Variants in STXBP5 observed in about 807,000 individuals in gnomAD.
STXBP5 encodes the protein syntaxin binding protein 5.
Under a neutral mutation model 152.4 loss-of-function variants are expected in STXBP5, and 50 were observed. The ratio of observed to expected loss-of-function variants is 0.33; its 90% CI spans 0.26 to 0.42. STXBP5 has a LOEUF of 0.42. Among genes scored for constraint, STXBP5 ranks in the 10% least tolerant of loss-of-function variants. The pLI is 1.00. For synonymous variants in STXBP5, 492 were observed against 494.7 expected, an observed-to-expected ratio of 0.99 and a Z score of 0.07; for missense variants, 1,167 against 1,388.6, an observed-to-expected ratio of 0.84 and a Z score of 2.54.
intron 11 of STXBP5, among the ~76,000 whole-genome samples, chr6:147,312,919 A>G (rs1782456983): frequency 6.6e-6 from 1 of 152,188 alleles, no homozygotes; most frequent in Non-Finnish European, 1.5e-5. Context: ...GTCAAAGAAA[A>G]TACTATGCAA....
At chr6:147,243,137 C>G (rs1465280829) in intron 4 of STXBP5, among the ~76,000 whole-genome samples, 1 of 152,156 alleles carries the variant, frequency 6.6e-6, no homozygotes, top group Non-Finnish European at 1.5e-5. Context: ...ATATGCTAGA[C>G]TATCTTTGGC....
chr6:147,259,195 T>C (rs1334193770), intron 4 of STXBP5, among the ~76,000 whole-genome samples: 1 of 152,168 alleles, frequency 6.6e-6, no homozygotes, highest in African/African-American at 2.4e-5. Flanking sequence ...TTAAGTTTCT[T>C]GTTAATGTAT....
At chr6:147,218,814 C>G (rs1338030005) in intron 2 of STXBP5, among the ~76,000 whole-genome samples, 1 of 152,214 alleles carries the variant, frequency 6.6e-6, no homozygotes, top group East Asian at 1.9e-4. Context: ...TCCTGGCCAC[C>G]TTGCTATAAT....
chr6:147,294,026 A>G (rs1354194102), intron 9 of STXBP5, among the ~76,000 whole-genome samples: 1 of 152,254 alleles, frequency 6.6e-6, no homozygotes, highest in African/African-American at 2.4e-5. Context: ...CTGATGAGAT[A>G]AAGCAAATAA....
chr6:147,234,323 A>ATGAAGG (rs1778162365), intron 2 of STXBP5, among the ~76,000 whole-genome samples: 1 of 151,934 alleles, frequency 6.6e-6, no homozygotes, highest in Non-Finnish European at 1.5e-5. Flanking sequence ...TAAAATGCAT[A>ATGAAGG]TAACAGTGCC....
chr6:147,304,765 G>T (rs1445409531), intron 9 of STXBP5, among the ~76,000 whole-genome samples: 5 of 152,186 alleles, frequency 3.3e-5, no homozygotes, highest in Admixed American at 3.3e-4. Context: ...CGTGAGACAA[G>T]AAGTCAAAGG....
chr6:147,275,399 C>T (rs947660895), intron 7 of STXBP5, among the ~76,000 whole-genome samples: 34 of 151,918 alleles, frequency 2.2e-4, no homozygotes, highest in African/African-American at 8.0e-4. Context: ...TTTCTCTACC[C>T]TGGATTCATC....
In STXBP5 at chr6:147,387,689, A is replaced by AT. The variant is rs1388920054; in HGVS notation, c.*2940dup. 2.6e-5 allele frequency: 4 copies of AT among 151,690 alleles called. No homozygotes were observed. Among genetic ancestry groups the AT allele is most frequent in the African/African-American group, 7.3e-5 (3 of 41,372 alleles). 9.4% of individuals were successfully genotyped at this position (151,690 alleles called of 1,614,324 possible). ...GAGCTATTACTAACTTCTCCATTTG[A>AT]TTTTTTATGGATGTGAAAAATGCTG... On this transcript the variant is annotated 3_prime_UTR_variant, in exon 28 of 28. Coordinates refer to ENST00000321680, the MANE Select transcript of STXBP5 (RefSeq NM_001127715.4).
chr6:147,247,386 T>G (rs534980033), intron 4 of STXBP5, among the ~76,000 whole-genome samples: 4 of 152,210 alleles, frequency 2.6e-5, no homozygotes, highest in Non-Finnish European at 5.9e-5. Flanking sequence ...ATGGGGGATC[T>G]GCTACTCTGG....
intron 1 of STXBP5, among the ~76,000 whole-genome samples, chr6:147,205,371 C>CGT (rs1412110713): frequency 9.2e-5 from 13 of 141,918 alleles, no homozygotes; most frequent in South Asian, 8.9e-4. Context: ...TAAAAGTGTG[C>CGT]ATATATATAT....
In STXBP5 at chr6:147,382,651, T is replaced by C. The variant is rs1047590852; in HGVS notation, c.3194-127T>C. The stretch of plus-strand genomic sequence containing the variant: ...AAAGAAAGCATGTATTAAGCATATT[T>C]CACTTTATAATTTTATTTCAGTTGT... On this transcript the variant is annotated intron_variant, in intron 26 of 27. Coordinates refer to ENST00000321680, the MANE Select transcript of STXBP5 (RefSeq NM_001127715.4). The C allele has an allele frequency of 4.3e-6, 4 of 930,074 alleles. No homozygotes were observed. The African/African-American group carries it at 6.7e-5, about 16-fold the overall frequency. The allele number at this position is 930,074 out of a possible 1,614,324, so 57.6% of individuals were successfully genotyped here.
chr6:147,311,238 A>C (rs1782360191), intron 10 of STXBP5, among the ~76,000 whole-genome samples: 1 of 152,166 alleles, frequency 6.6e-6, no homozygotes, highest in African/African-American at 2.4e-5. Flanking sequence ...TTTCTGTCTT[A>C]CTCATTTTTA....
At chr6:147,316,159 G>T (rs1040751678) in intron 15 of STXBP5, 70 bp from the exon 16 acceptor site, 1 of 1,418,378 alleles carries the variant, frequency 7.1e-7, no homozygotes, top group Admixed American at 1.8e-5. Flanking sequence ...GTGTGTGTAT[G>T]TGTGTATAAA....
At chr6:147,217,624 AAAT>A (rs1449824782) in intron 2 of STXBP5, among the ~76,000 whole-genome samples, 2 of 152,210 alleles carry the variant, frequency 1.3e-5, no homozygotes, top group African/African-American at 2.4e-5. Context: ...ATTTGTTCAC[AAAT>A]AATAAAAAAT....
chr6:147,320,305 C>T (rs73787115), intron 16 of STXBP5, among the ~76,000 whole-genome samples: 3,349 of 152,234 alleles, frequency 0.022, 92 homozygotes, highest in African/African-American at 0.073. Context: ...CCAGTCGTGG[C>T]AGTATTAAGA....
At chr6:147,306,257 T>C (rs545594484) in intron 9 of STXBP5, among the ~76,000 whole-genome samples, 1 of 152,182 alleles carries the variant, frequency 6.6e-6, no homozygotes, top group South Asian at 2.1e-4. Context: ...CTAGCTGTGG[T>C]TTTGGGGATG....
At chr6:147,230,301 C>G (rs1777933248) in intron 2 of STXBP5, among the ~76,000 whole-genome samples, 1 of 151,810 alleles carries the variant, frequency 6.6e-6, no homozygotes, top group African/African-American at 2.4e-5. Context: ...AGGAGGTTTT[C>G]TCAAAATTAC....
chr6:147,213,126 G>A (rs1463931972), intron 2 of STXBP5, among the ~76,000 whole-genome samples: 1 of 152,046 alleles, frequency 6.6e-6, no homozygotes. Context: ...GTAATAACTT[G>A]GAGTAATAAT....
At chr6:147,340,774 T>C (rs1582968397) in intron 21 of STXBP5, among the ~76,000 whole-genome samples, 1 of 152,230 alleles carries the variant, frequency 6.6e-6, no homozygotes, top group Non-Finnish European at 1.5e-5. Flanking sequence ...TTTCTTGTTT[T>C]AAATAGAATA....
Sources: allele counts gnomAD v4.1 joint callset (sites outside exome capture counted in the v4.1 genomes callset), GRCh38; gene constraint gnomAD v4.1.1; transcripts MANE v1.5; gene names NCBI Gene and HGNC (gene_info 2026-07-23, HGNC 2026-07-21).